Variants in WWC2 observed in about 807,000 individuals in gnomAD.
WWC2 encodes WW and C2 domain containing 2.
Under a neutral mutation model 138.5 loss-of-function variants are expected in WWC2, and 101 were observed. That is an observed-to-expected ratio of 0.73 (90% CI 0.62 to 0.86). The LOEUF (loss-of-function observed/expected upper bound fraction) is 0.86. Among genes scored for constraint, WWC2 ranks in the 40% least tolerant of loss-of-function variants. The pLI is 0.00. For synonymous variants in WWC2, 558 were observed against 538.4 expected (o/e 1.04, Z -0.50); for missense variants, 1,420 against 1,419.4 (o/e 1.00, Z -0.01).
At position 183,221,610 on chromosome 4, in the gene WWC2, G is replaced by T. The variant is rs569769693; in HGVS notation, c.522+12585G>T. Among the ~76,000 whole-genome samples the T allele has an allele frequency of 3.2e-3, 492 of 152,252 alleles. 5 individuals are homozygous for T. Among genetic ancestry groups the T allele is most frequent in the Middle Eastern group, 0.014 (4 of 294 alleles). ...AAACAGAAATATATCTGGAAAAATT[G>T]TCAAATACTTGGAAATTATTAGCAT... On this transcript the variant is annotated intron_variant, in intron 4 of 22. Transcript: ENST00000403733.
chr4:183,220,601 A>G lies in WWC2; in HGVS notation c.522+11576A>G, dbSNP rs1442704736. Among the ~76,000 whole-genome samples, 80 of 151,944 alleles carry G rather than the reference A, an allele frequency of 5.3e-4. 1 individual carries two copies. The highest frequency in any genetic ancestry group is 7.8e-4 in the East Asian group (4 of 5,152). ...TGTAATTCCAGCACTTTGGGAGGTCAAGGTGGGCAGATCACAAGGTCAGGA... is the reference window on the plus strand; with the variant it reads ...TGTAATTCCAGCACTTTGGGAGGTCGAGGTGGGCAGATCACAAGGTCAGGA... On this transcript the variant is annotated intron_variant, in intron 4 of 22. Transcript: ENST00000403733.
intron 1 of WWC2, among the ~76,000 whole-genome samples, chr4:183,129,777 G>A (rs758762210): frequency 3.6e-4 from 55 of 152,130 alleles, no homozygotes; most frequent in Non-Finnish European, 1.0e-4. Flanking sequence ...TAATCATTTG[G>A]ATATTTCTGG....
chr4:183,194,459 TAAA>T (rs1735076782), intron 2 of WWC2, among the ~76,000 whole-genome samples: 1 of 152,246 alleles, frequency 6.6e-6, no homozygotes, highest in Non-Finnish European at 1.5e-5. Context: ...CTTATTCACT[TAAA>T]AATAATTATT....
chr4:183,245,159 G>A (rs557107894), intron 5 of WWC2, among the ~76,000 whole-genome samples: 5 of 149,422 alleles, frequency 3.3e-5, no homozygotes, highest in East Asian at 2.0e-4. Context: ...CCCAGGAGGC[G>A]TAGTTTGCAG....
chr4:183,222,137 A>G (rs72701353), intron 4 of WWC2, among the ~76,000 whole-genome samples: 41,051 of 152,022 alleles, frequency 0.27, 6,277 homozygotes, highest in African/African-American at 0.42. Flanking sequence ...GGCCAGGTAG[A>G]GATAGACTAT....
intron 4 of WWC2, among the ~76,000 whole-genome samples, chr4:183,230,464 G>A (rs1736209396): frequency 1.3e-5 from 2 of 152,206 alleles, no homozygotes; most frequent in South Asian, 4.1e-4. Context: ...ATCACTTGAG[G>A]TCAGGAGTTC....
chr4:183,184,585 C>T (rs775147434), intron 1 of WWC2, among the ~76,000 whole-genome samples: 3 of 152,180 alleles, frequency 2.0e-5, no homozygotes, highest in African/African-American at 4.8e-5. Flanking sequence ...CACCATTTTA[C>T]GTTGCCACCC....
At chr4:183,315,570 C>T in intron 22 of WWC2, 93 bp from the exon 23 acceptor site, 1 of 882,554 alleles carries the variant, frequency 1.1e-6, no homozygotes, top group South Asian at 1.7e-5. Flanking sequence ...GCAGAGACAT[C>T]ACTGCCACTG....
intron 4 of WWC2, among the ~76,000 whole-genome samples, chr4:183,219,629 G>A (rs1235667300): frequency 2.0e-5 from 3 of 152,150 alleles, no homozygotes; most frequent in African/African-American, 7.2e-5. Flanking sequence ...CACAGAATGG[G>A]GGAGAACGGA....
rs754127025 is a variant in WWC2 at position 183,253,745 on chromosome 4, T to C, written c.954-12T>C. On this transcript the variant is annotated splice_polypyrimidine_tract_variant and intron_variant, in intron 8 of 22. Coordinates refer to ENST00000403733, the MANE Select transcript of WWC2 (RefSeq NM_024949.6). ...AAGTATGTGCATACCTCTTCTATCT[T>C]TTTTTTTTTAGTATGGCCAACTTAA... is the stretch of plus-strand genomic sequence containing the variant. 3 of 1,524,134 alleles carry C rather than the reference T, an allele frequency of 2.0e-6. No individual in the cohort carries two copies. The highest frequency in any genetic ancestry group is 1.8e-6 in the Non-Finnish European group (2 of 1,136,792). The allele number at this position is 1,524,134 out of a possible 1,614,324, so 94.4% of individuals were successfully genotyped here. A position where few individuals can be genotyped will look rare whatever the true frequency, so the allele number is the denominator to read the frequency against.
At chr4:183,265,998 A>G in intron 14 of WWC2, 47 bp downstream of exon 14, 4 of 1,512,664 alleles carry the variant, frequency 2.6e-6, no homozygotes, top group Non-Finnish European at 3.6e-6. Flanking sequence ...AAACATTTCC[A>G]TGTAAGAGAA....
intron 15 of WWC2, chr4:183,269,834 T>G (rs768720371): frequency 4.8e-5 from 9 of 186,304 alleles, no homozygotes; most frequent in Non-Finnish European, 8.1e-5. Flanking sequence ...AGCAGAAGAC[T>G]TCACAGTTAA....
At chr4:183,154,506 T>A (rs1683491902) in intron 1 of WWC2, among the ~76,000 whole-genome samples, 1 of 152,200 alleles carries the variant, frequency 6.6e-6, no homozygotes, top group Admixed American at 6.5e-5. Flanking sequence ...AGGCACAACC[T>A]TGTGATTTCC....
chr4:183,286,509 T>C (rs1006059032), intron 20 of WWC2, among the ~76,000 whole-genome samples: 2 of 152,052 alleles, frequency 1.3e-5, no homozygotes, highest in African/African-American at 4.8e-5. Flanking sequence ...CTTTAGAAGG[T>C]TAAAACTCAT....
At chr4:183,249,868 T>C (rs1224388277) in intron 7 of WWC2, 52 bp from the exon 8 acceptor site, 2 of 1,464,046 alleles carry the variant, frequency 1.4e-6, no homozygotes, top group African/African-American at 2.8e-5. Flanking sequence ...AGCAATTTAC[T>C]TCATTCATTA....
chr4:183,190,902 C>T (rs1451304611), intron 1 of WWC2, among the ~76,000 whole-genome samples: 2 of 152,192 alleles, frequency 1.3e-5, no homozygotes, highest in African/African-American at 4.8e-5. Context: ...TCCTGTCATA[C>T]TCACGCTTAA....
At chr4:183,198,789 TAAAAAAAAA>T (rs56182831) in intron 2 of WWC2, among the ~76,000 whole-genome samples, 4 of 72,344 alleles carry the variant, frequency 5.5e-5, no homozygotes, top group South Asian at 8.6e-4. Context: ...CTCGTCTCTT[TAAAAAAAAA>T]AAAAAAAAAA....
At chr4:183,215,668 G>A (rs1436224317) in intron 4 of WWC2, among the ~76,000 whole-genome samples, 1 of 151,908 alleles carries the variant, frequency 6.6e-6, no homozygotes, top group African/African-American at 2.4e-5. Context: ...TATGAGTTTG[G>A]CCTCCTTTTC....
intron 4 of WWC2, among the ~76,000 whole-genome samples, chr4:183,211,599 G>A (rs1436283585): frequency 6.6e-6 from 1 of 151,996 alleles, no homozygotes; most frequent in African/African-American, 2.4e-5. Context: ...AATCCCAGTT[G>A]AACTCTTGAG....
Sources: gnomAD v4.1 joint callset for allele counts (sites outside exome capture counted in the v4.1 genomes callset) on GRCh38, gnomAD v4.1.1 for gene constraint, MANE v1.5 for transcripts, NCBI Gene and HGNC (gene_info 2026-07-23, HGNC 2026-07-21) for gene names.